Variants in RIMBP2 observed in about 807,000 individuals in gnomAD.
RIMBP2 encodes RIMS-binding protein 2.
RIMBP2 carries 48 observed loss-of-function variants against 118.6 expected under a neutral mutation model. That is an observed-to-expected ratio of 0.40 (90% CI 0.32 to 0.51). RIMBP2 has a LOEUF of 0.51. Among genes scored for constraint, RIMBP2 ranks in the 20% least tolerant of loss-of-function variants. RIMBP2 has a pLI of 0.41. For missense variants in RIMBP2, 1,551 were observed against 1,768.3 expected (o/e 0.88, Z 2.20); for synonymous variants, 762 against 742.9 (o/e 1.03, Z -0.42).
At position 130,446,019 on chromosome 12, in the gene RIMBP2, T is replaced by TG. The variant is rs1491261269; in HGVS notation, c.582-751_582-750insC. Among the ~76,000 whole-genome samples, 14 of 112,732 alleles carry TG rather than the reference T, an allele frequency of 1.2e-4. No homozygotes were observed. The East Asian group carries it at 3.3e-3, about 27-fold the overall frequency. The allele number at this position is 112,732 out of a possible 152,430, so 74.0% of individuals were successfully genotyped here. A position where few individuals can be genotyped will look rare whatever the true frequency, so the allele number is the denominator to read the frequency against. On this transcript the variant is annotated intron_variant, in intron 9 of 22. Transcript: ENST00000690449. The surrounding 1 kb of genome is among the most constrained non-coding windows in gnomAD (Gnocchi z 4.1). ...GAAAAACAGACGCATGATTTTATGC[T>TG]CCCCCCCCCCACACCCCCAGGAATA...
intron 3 of RIMBP2, among the ~76,000 whole-genome samples, chr12:130,516,099 C>T (rs572326167): frequency 6.6e-6 from 1 of 152,252 alleles, no homozygotes; most frequent in East Asian, 1.9e-4. Flanking sequence ...AGTGGTTGCA[C>T]CATTTTACAT....
intron 4 of RIMBP2, among the ~76,000 whole-genome samples, chr12:130,498,133 C>G (rs2138613945): frequency 6.6e-6 from 1 of 151,988 alleles, no homozygotes; most frequent in South Asian, 2.1e-4. Context: ...GACTCCAGGC[C>G]TCCGGCTGCC....
chr12:130,434,653 C>A lies in RIMBP2; in HGVS notation c.2253+81G>T. 3.5e-6 allele frequency: 5 copies of A among 1,429,976 alleles called. No individual in the cohort carries two copies. Among genetic ancestry groups the A allele is most frequent in the Non-Finnish European group, 3.7e-6 (4 of 1,072,436 alleles). 88.6% of individuals were successfully genotyped at this position (1,429,976 alleles called of 1,614,324 possible). A position where few individuals can be genotyped will look rare whatever the true frequency, so the allele number is the denominator to read the frequency against. On this transcript the variant is annotated intron_variant, in intron 14 of 22. Transcript: ENST00000690449. The surrounding 1 kb of genome is among the most constrained non-coding windows in gnomAD (Gnocchi z 5.7). ...GGACCCAAGGGTAGCGGGGAAAGTG[C>A]CCATGTCTCTTGATCTCCACGGGGC...
In RIMBP2 at chr12:130,442,695, A is replaced by T; in HGVS notation, c.692-35T>A. Reference sequence around the variant, plus strand: ...ACAAGGACAGAGTTATCACCCAGCCAACACAGCAGGGGCCTCGAGGCCCCC... The same window carrying T: ...ACAAGGACAGAGTTATCACCCAGCCTACACAGCAGGGGCCTCGAGGCCCCC... On this transcript the variant is annotated intron_variant, in intron 10 of 22. Coordinates refer to ENST00000690449, the MANE Select transcript of RIMBP2 (RefSeq NM_001393629.1). The surrounding 1 kb of genome is among the most constrained non-coding windows in gnomAD (Gnocchi z 6.9). 3.2e-6 allele frequency: 5 copies of T among 1,576,228 alleles called. No individual in the cohort carries two copies. The highest frequency in any genetic ancestry group is 4.3e-6 in the Non-Finnish European group (5 of 1,153,990).
At position 130,437,064 on chromosome 12, in the gene RIMBP2, T is replaced by A; in HGVS notation, c.1884A>T (p.Lys628Asn). 1.3e-6 allele frequency: 2 copies of A among 1,573,228 alleles called. No individual in the cohort carries two copies. Among genetic ancestry groups the A allele is most frequent in the Non-Finnish European group, 1.7e-6 (2 of 1,156,586 alleles). ...TGGCGTGGGGACCCAGGTGCTCGTCTTTGGTTTCGGGGACTCCAGAACTTG... is the reference window on the plus strand; with the variant it reads ...TGGCGTGGGGACCCAGGTGCTCGTCATTGGTTTCGGGGACTCCAGAACTTG... ...PLASSGVPET[K>N]DEHLGPHARM... Residue 628 changes from lysine to asparagine, a missense_variant, in exon 13 of 23, where the codon AAA becomes AAT. Coordinates refer to ENST00000690449, the MANE Select transcript of RIMBP2 (RefSeq NM_001393629.1).
chr12:130,540,133 A>G (rs1044485254), intron 2 of RIMBP2, among the ~76,000 whole-genome samples: 2 of 152,158 alleles, frequency 1.3e-5, no homozygotes, highest in African/African-American at 4.8e-5. Flanking sequence ...AGGCTATGGC[A>G]GGAACTTGGG....
At chr12:130,501,795 C>G (rs1473539292) in intron 4 of RIMBP2, among the ~76,000 whole-genome samples, 2 of 152,216 alleles carry the variant, frequency 1.3e-5, no homozygotes, top group African/African-American at 4.8e-5. Flanking sequence ...CTAACCCCAC[C>G]AGCTTGCCCT....
rs2048579464 is a variant in RIMBP2 at position 130,490,894 on chromosome 12, GTTCAGT to G, written c.-3-11884_-3-11879del. ...CATAAAAGAGGGAGATGTGGTCAGA[GTTCAGT>G]GGGAGGGTGGGGAGCGAAGTGGGAA... On this transcript the variant is annotated intron_variant, in intron 4 of 22. Transcript: ENST00000690449. Among the ~76,000 whole-genome samples, 3 of 152,312 alleles carry G rather than the reference GTTCAGT, an allele frequency of 2.0e-5. No individual in the cohort carries two copies. In the South Asian group the frequency reaches 6.2e-4, roughly 32 times the overall value.
chr12:130,685,702 T>G (rs1468950108), intron 1 of RIMBP2, among the ~76,000 whole-genome samples: 1 of 152,182 alleles, frequency 6.6e-6, no homozygotes, highest in Non-Finnish European at 1.5e-5. Flanking sequence ...CGCGACTCTT[T>G]ATGTTCTAAA....
chr12:130,685,760 T>G (rs936645235), intron 1 of RIMBP2, among the ~76,000 whole-genome samples: 4 of 152,250 alleles, frequency 2.6e-5, no homozygotes, highest in African/African-American at 9.6e-5. Context: ...TGGGATGAGA[T>G]TCACAGATGC....
At chr12:130,532,484 C>T (rs112666142) in intron 2 of RIMBP2, among the ~76,000 whole-genome samples, 298 of 131,714 alleles carry the variant, frequency 2.3e-3, no homozygotes, top group East Asian at 3.5e-3. Flanking sequence ...CTAGGAGTTA[C>T]GTCTAATGAG....
At chr12:130,676,180 G>A (rs980094581) in intron 1 of RIMBP2, among the ~76,000 whole-genome samples, 1 of 152,200 alleles carries the variant, frequency 6.6e-6, no homozygotes, top group Non-Finnish European at 1.5e-5. Flanking sequence ...CGTTGATGGG[G>A]TTTTGCCACA....
At chr12:130,606,222 G>A (rs2060177643) in intron 2 of RIMBP2, among the ~76,000 whole-genome samples, 1 of 152,188 alleles carries the variant, frequency 6.6e-6, no homozygotes, top group Non-Finnish European at 1.5e-5. Context: ...TCTATATGGT[G>A]GGAATTACAC....
At chr12:130,607,763 A>G (rs964247733) in intron 2 of RIMBP2, among the ~76,000 whole-genome samples, 18 of 151,964 alleles carry the variant, frequency 1.2e-4, no homozygotes, top group African/African-American at 3.9e-4. Flanking sequence ...ACCAGGTTCA[A>G]GTTCCATCTC....
chr12:130,698,074 G>A (rs991013195), intron 1 of RIMBP2, among the ~76,000 whole-genome samples: 6 of 152,206 alleles, frequency 3.9e-5, no homozygotes, highest in Non-Finnish European at 5.9e-5. Flanking sequence ...GAGCTGTGCT[G>A]TGAGGCCCTT....
chr12:130,561,197 A>T (rs1437825559), intron 2 of RIMBP2, among the ~76,000 whole-genome samples: 1 of 152,200 alleles, frequency 6.6e-6, no homozygotes, highest in African/African-American at 2.4e-5. Flanking sequence ...CAACACCTTG[A>T]TCTCGGATTT....
intron 7 of RIMBP2, among the ~76,000 whole-genome samples, chr12:130,453,140 G>T (rs925752575): frequency 6.6e-6 from 1 of 152,220 alleles, no homozygotes; most frequent in Non-Finnish European, 1.5e-5. Flanking sequence ...AACTGGCTGC[G>T]CCAGGGATAG....
chr12:130,507,931 G>T (rs536066530), intron 3 of RIMBP2, among the ~76,000 whole-genome samples: 8 of 152,162 alleles, frequency 5.3e-5, no homozygotes, highest in Non-Finnish European at 7.3e-5. Context: ...AAAAGAAAGG[G>T]AGGCACCCAC....
chr12:130,602,301 ATC>A (rs557826275), intron 2 of RIMBP2, among the ~76,000 whole-genome samples: 1 of 152,168 alleles, frequency 6.6e-6, no homozygotes, highest in Non-Finnish European at 1.5e-5. Flanking sequence ...TCTGCCGCCC[ATC>A]TCTCTCAACA....
Sources: allele counts gnomAD v4.1 joint callset (sites outside exome capture counted in the v4.1 genomes callset), GRCh38; gene constraint gnomAD v4.1.1; non-coding constraint Gnocchi (gnomAD v3.1); transcripts MANE v1.5; gene names NCBI Gene and HGNC (gene_info 2026-07-23, HGNC 2026-07-21).